ULK4: variants seen among roughly 807,000 people sequenced by gnomAD.
ULK4 encodes the protein unc-51 like kinase 4, also known as inactive serine/threonine-protein kinase ULK4.
A neutral mutation model predicts 160.6 loss-of-function variants in ULK4; 133 were observed. The observed-to-expected ratio is 0.83, with a 90% confidence interval of 0.72 to 0.96. The LOEUF is 0.96. Among genes scored for constraint, ULK4 ranks in the 40% least tolerant of loss-of-function variants. The pLI is 0.00. For synonymous variants in ULK4, 534 were observed against 539.8 expected (o/e 0.99, Z 0.15); for missense variants, 1,580 against 1,499.5 (o/e 1.05, Z -0.89).
intron 30 of ULK4, among the ~76,000 whole-genome samples, chr3:41,648,879 A>T (rs2034620506): frequency 6.6e-6 from 1 of 152,144 alleles, no homozygotes; most frequent in Non-Finnish European, 1.5e-5. Flanking sequence ...CACACCTATA[A>T]TCCCAGCACT....
At chr3:41,254,910 G>A (rs1227953142) in intron 35 of ULK4, among the ~76,000 whole-genome samples, 4 of 150,842 alleles carry the variant, frequency 2.7e-5, no homozygotes, top group Admixed American at 1.3e-4. Flanking sequence ...AAAAAAAGAA[G>A]AAACTAGGAA....
At chr3:41,585,195 C>T (rs1266504300) in intron 31 of ULK4, among the ~76,000 whole-genome samples, 1 of 151,928 alleles carries the variant, frequency 6.6e-6, no homozygotes, top group Non-Finnish European at 1.5e-5. Flanking sequence ...TCTCAAAAGA[C>T]CTAAAAAAGC....
At position 41,572,103 on chromosome 3, in the gene ULK4, T is replaced by A. The variant is rs1401790477; in HGVS notation, c.3121-5973A>T. 2.6e-5 allele frequency among the ~76,000 whole-genome samples: 4 copies of A among 152,230 alleles called. No homozygotes were observed. The East Asian group carries it at 7.7e-4, about 29-fold the overall frequency. On this transcript the variant is annotated intron_variant, in intron 31 of 36. Transcript: ENST00000301831. Reference sequence around the variant, plus strand: ...TTCTACTATTTTTATCAGTAAGAATTGAGGTTAGTGAAGTCAAGTGTAACT... The same window carrying A: ...TTCTACTATTTTTATCAGTAAGAATAGAGGTTAGTGAAGTCAAGTGTAACT...
At chr3:41,946,112 T>C (rs1391387754) in intron 2 of ULK4, among the ~76,000 whole-genome samples, 1 of 152,156 alleles carries the variant, frequency 6.6e-6, no homozygotes, top group African/African-American at 2.4e-5. Flanking sequence ...GTGTATTTAT[T>C]TTATGAAAAT....
At chr3:41,751,071 G>A (rs1036283715) in intron 22 of ULK4, among the ~76,000 whole-genome samples, 4 of 151,286 alleles carry the variant, frequency 2.6e-5, no homozygotes, top group African/African-American at 7.3e-5. Flanking sequence ...TGCTCTTCCC[G>A]TTCTTTCTCT....
intron 34 of ULK4, among the ~76,000 whole-genome samples, chr3:41,443,282 T>C (rs552669349): frequency 2.0e-5 from 3 of 152,340 alleles, no homozygotes; most frequent in East Asian, 3.9e-4. Flanking sequence ...ACTTCCCACA[T>C]TATCATTTTT....
rs1310898409 is a variant in ULK4 at position 41,772,258 on chromosome 3, C to CA, written c.2193+17402dup. On this transcript the variant is annotated intron_variant, in intron 21 of 36. Coordinates refer to ENST00000301831, the MANE Select transcript of ULK4 (RefSeq NM_017886.4). ...GGAGATAGAGACACAAAAAACCCTT[C>CA]AAAAAAATCAATGAATCCAGGAGCT... Among the ~76,000 whole-genome samples, 72 of 152,048 alleles carry CA rather than the reference C, an allele frequency of 4.7e-4. 1 individual carries two copies. The highest frequency in any genetic ancestry group is 1.5e-4 in the Non-Finnish European group (10 of 67,984).
At chr3:41,916,376 C>T (rs977814321) in intron 7 of ULK4, among the ~76,000 whole-genome samples, 3 of 152,160 alleles carry the variant, frequency 2.0e-5, no homozygotes, top group African/African-American at 4.8e-5. Flanking sequence ...AACTCAAACA[C>T]TTGTCTTCAA....
At chr3:41,461,988 T>C (rs1399879477) in intron 33 of ULK4, among the ~76,000 whole-genome samples, 1 of 152,212 alleles carries the variant, frequency 6.6e-6, no homozygotes, top group African/African-American at 2.4e-5. Flanking sequence ...TACTGTTAAT[T>C]TGGAATTATT....
rs185383203 is a variant in ULK4 at position 41,908,075 on chromosome 3, T to C, written c.1086-134A>G. 5.1e-4 allele frequency: 199 copies of C among 393,256 alleles called. 1 individual carries two copies. The highest frequency in any genetic ancestry group is 3.9e-3 in the African/African-American group (188 of 47,984). The allele number at this position is 393,256 out of a possible 1,614,324, so 24.4% of individuals were successfully genotyped here. On this transcript the variant is annotated intron_variant, in intron 11 of 36. Transcript: ENST00000301831. Reference sequence around the variant, plus strand: ...TCCATATACTGTCACTAAAAAAGTCTAGATCTAATTTATGTTTATATAATT... The same window carrying C: ...TCCATATACTGTCACTAAAAAAGTCCAGATCTAATTTATGTTTATATAATT...
intron 34 of ULK4, among the ~76,000 whole-genome samples, chr3:41,436,444 T>C (rs1348230973): frequency 6.6e-6 from 1 of 152,240 alleles, no homozygotes; most frequent in Non-Finnish European, 1.5e-5. Context: ...TTTTTCATTA[T>C]CTGTTACTAT....
At chr3:41,871,971 G>C (rs1460217719) in intron 17 of ULK4, among the ~76,000 whole-genome samples, 5 of 152,138 alleles carry the variant, frequency 3.3e-5, no homozygotes, top group Admixed American at 1.3e-4. Context: ...AAAGACTCTG[G>C]ATAACCTTAT....
chr3:41,842,159 T>G (rs373272655), intron 17 of ULK4, among the ~76,000 whole-genome samples: 4 of 97,932 alleles, frequency 4.1e-5, no homozygotes, highest in African/African-American at 4.7e-5. Flanking sequence ...AAAAAGAAAA[T>G]AACGCTGCAA....
chr3:41,269,548 G>A (rs1320957486), intron 35 of ULK4, among the ~76,000 whole-genome samples: 1 of 152,128 alleles, frequency 6.6e-6, no homozygotes, highest in Admixed American at 6.5e-5. Context: ...TGAGTCAGAT[G>A]CTACTATTAT....
intron 34 of ULK4, among the ~76,000 whole-genome samples, chr3:41,429,040 C>T (rs1010377175): frequency 4.6e-5 from 7 of 150,656 alleles, no homozygotes; most frequent in African/African-American, 7.3e-5. Context: ...GAATCTACAA[C>T]GAACTTAAAT....
chr3:41,599,243 T>C (rs1035009278), intron 31 of ULK4, among the ~76,000 whole-genome samples: 15 of 152,176 alleles, frequency 9.9e-5, no homozygotes, highest in African/African-American at 3.4e-4. Context: ...TGAGCTAATG[T>C]TTAGGTCAGC....
intron 17 of ULK4, among the ~76,000 whole-genome samples, chr3:41,850,975 T>C (rs2042197732): frequency 6.6e-6 from 1 of 152,216 alleles, no homozygotes; most frequent in African/African-American, 2.4e-5. Context: ...CATCTTGAAT[T>C]AATTTTTGTA....
intron 5 of ULK4, among the ~76,000 whole-genome samples, chr3:41,927,898 A>G (rs1479540931): frequency 1.3e-5 from 2 of 152,162 alleles, no homozygotes; most frequent in African/African-American, 2.4e-5. Context: ...CTCCCACACC[A>G]TAATAGTGGG....
intron 35 of ULK4, among the ~76,000 whole-genome samples, chr3:41,292,605 C>A (rs957402100): frequency 4.0e-5 from 6 of 151,606 alleles, no homozygotes; most frequent in Non-Finnish European, 8.8e-5. Flanking sequence ...TGAGATCATG[C>A]CACTGCATTC....
Sources: gnomAD v4.1 joint callset for allele counts (sites outside exome capture counted in the v4.1 genomes callset) on GRCh38, gnomAD v4.1.1 for gene constraint, MANE v1.5 for transcripts, NCBI Gene and HGNC (gene_info 2026-07-23, HGNC 2026-07-21) for gene names.